CACNA1C: variants seen among roughly 807,000 people sequenced by gnomAD.
CACNA1C encodes the protein voltage-dependent L-type calcium channel subunit alpha-1C.
CACNA1C carries 30 observed loss-of-function variants against 229.0 expected under a neutral mutation model. The ratio of observed to expected loss-of-function variants is 0.13; its 90% CI spans 0.10 to 0.18. The LOEUF (loss-of-function observed/expected upper bound fraction) is 0.18, where lower values mean the gene tolerates loss of function less well. Ranked by LOEUF, CACNA1C falls within the 10% of genes least tolerant of loss-of-function variation. The pLI is 1.00. For missense variants in CACNA1C, 1,658 were observed against 2,845.0 expected, an observed-to-expected ratio of 0.58 and a Z score of 9.49; for synonymous variants, 1,114 against 1,132.5, an observed-to-expected ratio of 0.98 and a Z score of 0.33.
chr12:2,410,419 C>G lies in CACNA1C; in HGVS notation c.478-38557C>G, dbSNP rs367916485. Among the ~76,000 whole-genome samples the G allele has an allele frequency of 2.4e-4, 36 of 152,286 alleles. No homozygotes were observed. The highest frequency in any genetic ancestry group is 7.5e-4 in the African/African-American group (31 of 41,562). ...TTGTGGAAGTTTGTCATGAGTGGAC[C>G]CCAGCAAGGAATTGGTGCATGATAT... is the stretch of plus-strand genomic sequence containing the variant. On this transcript the variant is annotated intron_variant, in intron 3 of 46. Transcript: ENST00000399655. The surrounding 1 kb of genome is among the most constrained non-coding windows in gnomAD (Gnocchi z 5.3).
chr12:2,110,896 G>A (rs966064610), intron 1 of CACNA1C, among the ~76,000 whole-genome samples: 1 of 135,346 alleles, frequency 7.4e-6, no homozygotes, highest in African/African-American at 2.7e-5. Flanking sequence ...CTTGGAGAAG[G>A]GGAGGCCCAG....
At chr12:2,101,455 G>A (rs1174830168) in intron 1 of CACNA1C, among the ~76,000 whole-genome samples, 1 of 152,216 alleles carries the variant, frequency 6.6e-6, no homozygotes, top group Non-Finnish European at 1.5e-5. Context: ...CCCCTCCCAG[G>A]TGGGGCTGTG....
At chr12:2,559,482 A>G (rs1271123089) in intron 11 of CACNA1C, among the ~76,000 whole-genome samples, 4 of 152,214 alleles carry the variant, frequency 2.6e-5, no homozygotes, top group Non-Finnish European at 4.4e-5. Flanking sequence ...AGGCTTTGCT[A>G]TGTGCTGGCC....
intron 3 of CACNA1C, among the ~76,000 whole-genome samples, chr12:2,388,860 G>C (rs1403044152): frequency 1.3e-5 from 2 of 152,216 alleles, no homozygotes; most frequent in Non-Finnish European, 2.9e-5. Flanking sequence ...TGTGGAGTTG[G>C]CAGTGTCTAT....
intron 3 of CACNA1C, among the ~76,000 whole-genome samples, chr12:2,145,095 CT>C (rs2094582354): frequency 6.6e-6 from 1 of 151,306 alleles, no homozygotes; most frequent in African/African-American, 2.4e-5. Context: ...GCTGTTTTAA[CT>C]GTTGGTGAGA....
rs1336509349 is a variant in CACNA1C at position 2,317,902 on chromosome 12, A to G, written c.478-131074A>G. ...GAAAGCAGCCCTGGGAGAGGTGAGGATGCAGTGGCTTGATCTCATCCTAAG... is the reference window on the plus strand; with the variant it reads ...GAAAGCAGCCCTGGGAGAGGTGAGGGTGCAGTGGCTTGATCTCATCCTAAG... On this transcript the variant is annotated intron_variant, in intron 3 of 46. Transcript: ENST00000399655. 2.0e-5 allele frequency among the ~76,000 whole-genome samples: 3 copies of G among 152,298 alleles called. No individual in the cohort carries two copies. The East Asian group carries it at 5.8e-4, about 29-fold the overall frequency.
intron 9 of CACNA1C, among the ~76,000 whole-genome samples, chr12:2,530,220 C>T (rs2099837648): frequency 1.3e-5 from 2 of 150,350 alleles, no homozygotes; most frequent in South Asian, 2.1e-4. Context: ...TTGTTGATGA[C>T]CAAAAATTAT....
chr12:2,558,351 A>G (rs13377723), intron 11 of CACNA1C, among the ~76,000 whole-genome samples: 4,712 of 141,296 alleles, frequency 0.033, 218 homozygotes, highest in African/African-American at 0.12. Flanking sequence ...GCTGGAGTCC[A>G]TGCCCTTAGG....
At chr12:2,042,994 T>A (rs186432247) in intron 1 of CACNA1C, among the ~76,000 whole-genome samples, 3 of 152,148 alleles carry the variant, frequency 2.0e-5, no homozygotes, top group African/African-American at 7.2e-5. Context: ...GAGGAAGACG[T>A]GTTTTGGGGT....
chr12:2,434,886 C>A (rs2099119323), intron 3 of CACNA1C, among the ~76,000 whole-genome samples: 1 of 152,260 alleles, frequency 6.6e-6, no homozygotes, highest in Non-Finnish European at 1.5e-5. Context: ...CCACTTCAGT[C>A]TAGTTCATCT....
chr12:2,011,878 G>C (rs779165510), intron 1 of CACNA1C, among the ~76,000 whole-genome samples: 1 of 152,202 alleles, frequency 6.6e-6, no homozygotes, highest in Non-Finnish European at 1.5e-5. Context: ...GGCTCTCGCT[G>C]TAGATTGCTA....
chr12:2,506,242 A>G (rs1481408386), intron 8 of CACNA1C, among the ~76,000 whole-genome samples: 1 of 152,190 alleles, frequency 6.6e-6, no homozygotes, highest in East Asian at 1.9e-4. Flanking sequence ...CATTGCCTGG[A>G]AGGTAGAGAG....
At chr12:2,040,199 G>A (rs1421867805) in intron 1 of CACNA1C, among the ~76,000 whole-genome samples, 1 of 151,668 alleles carries the variant, frequency 6.6e-6, no homozygotes, top group Admixed American at 6.6e-5. Context: ...TTCATGATTT[G>A]GGTATTGTAG....
chr12:2,284,127 G>C (rs971616448), intron 3 of CACNA1C, among the ~76,000 whole-genome samples: 2 of 152,144 alleles, frequency 1.3e-5, no homozygotes, highest in African/African-American at 4.8e-5. Context: ...CTCGTCCCTG[G>C]CCCTCAGGAA....
chr12:2,681,274 TA>T (rs1380341327), intron 42 of CACNA1C, among the ~76,000 whole-genome samples: 1 of 152,076 alleles, frequency 6.6e-6, no homozygotes, highest in Non-Finnish European at 1.5e-5. Flanking sequence ...TCCCCACAGA[TA>T]TATCTCTCCA....
intron 3 of CACNA1C, among the ~76,000 whole-genome samples, chr12:2,312,814 AT>A (rs371489291): frequency 1.1e-4 from 17 of 150,016 alleles, no homozygotes; most frequent in African/African-American, 1.2e-4. Flanking sequence ...AGCCTCAGGG[AT>A]TTTTTTTTTA....
At chr12:2,372,248 C>T (rs539444543) in intron 3 of CACNA1C, among the ~76,000 whole-genome samples, 35 of 152,160 alleles carry the variant, frequency 2.3e-4, no homozygotes, top group Non-Finnish European at 4.4e-4. Context: ...AAGTAAGGCT[C>T]ATTTATTTGA....
chr12:2,641,755 C>T (rs1225406202), intron 30 of CACNA1C: 5 of 702,542 alleles, frequency 7.1e-6, no homozygotes, highest in Non-Finnish European at 1.3e-5. Context: ...TTTATTGTAT[C>T]TCAGGTGAGC....
At chr12:2,583,074 C>G in intron 15 of CACNA1C, 132 bp downstream of exon 15, 1 of 636,678 alleles carries the variant, frequency 1.6e-6, no homozygotes, top group Non-Finnish European at 2.8e-6. Flanking sequence ...AACCCCATGG[C>G]GGCGGAGGTG....
Sources: allele counts gnomAD v4.1 joint callset (sites outside exome capture counted in the v4.1 genomes callset), GRCh38; gene constraint gnomAD v4.1.1; non-coding constraint Gnocchi (gnomAD v3.1); transcripts MANE v1.5; gene names NCBI Gene and HGNC (gene_info 2026-07-23, HGNC 2026-07-21).